RAB3C: variants seen among roughly 807,000 people sequenced by gnomAD.
The protein encoded by RAB3C is ras-related protein Rab-3C.
A neutral mutation model predicts 26.4 loss-of-function variants in RAB3C; 17 were observed. The observed-to-expected ratio is 0.64, with a 90% CI of 0.44 to 0.97. RAB3C has a LOEUF of 0.97. RAB3C is among the 50% of genes least tolerant of loss of function. The probability of loss-of-function intolerance (pLI) is 0.00; values close to 1 mark genes in which losing one functional copy is unlikely to be tolerated. For missense variants in RAB3C, 242 were observed against 281.9 expected, an observed-to-expected ratio of 0.86 and a Z score of 1.01; for synonymous variants, 91 against 95.9, an observed-to-expected ratio of 0.95 and a Z score of 0.30.
intron 1 of RAB3C, among the ~76,000 whole-genome samples, chr5:58,596,833 A>C (rs1407721919): frequency 2.3e-5 from 2 of 87,022 alleles, no homozygotes; most frequent in Non-Finnish European, 4.0e-5. Context: ...ATTATATATA[A>C]ATTTATAATA....
chr5:58,832,381 A>C (rs1237206748), intron 4 of RAB3C, among the ~76,000 whole-genome samples: 1 of 152,220 alleles, frequency 6.6e-6, no homozygotes, highest in African/African-American at 2.4e-5. Context: ...CTAGGAGTTT[A>C]TTTCTTTTGG....
At chr5:58,643,753 C>T (rs993997126) in intron 2 of RAB3C, among the ~76,000 whole-genome samples, 6 of 152,218 alleles carry the variant, frequency 3.9e-5, no homozygotes, top group Admixed American at 2.6e-4. Context: ...TTGCAAAATA[C>T]TAATGAGGAC....
chr5:58,589,516 C>G (rs1183864441), intron 1 of RAB3C, among the ~76,000 whole-genome samples: 2 of 152,136 alleles, frequency 1.3e-5, no homozygotes, highest in Admixed American at 1.3e-4. Flanking sequence ...CTAGAGTTCA[C>G]CATGAAGCCA....
chr5:58,706,303 T>A (rs1748942494), intron 2 of RAB3C, among the ~76,000 whole-genome samples: 1 of 152,158 alleles, frequency 6.6e-6, no homozygotes, highest in Non-Finnish European at 1.5e-5. Context: ...AAGCATTTTT[T>A]TCGGTGGCCA....
At chr5:58,582,908 G>T, upstream of RAB3C, 1 of 546,148 alleles carries the variant, frequency 1.8e-6, no homozygotes, top group Non-Finnish European at 2.9e-6. Context: ...CCGCGGCCGA[G>T]CCCGACTGGC....
chr5:58,798,449 T>C (rs1207076293), intron 3 of RAB3C, among the ~76,000 whole-genome samples: 2 of 152,132 alleles, frequency 1.3e-5, no homozygotes, highest in Non-Finnish European at 2.9e-5. Flanking sequence ...CATCATCATA[T>C]ATACAGGTTG....
intron 3 of RAB3C, among the ~76,000 whole-genome samples, chr5:58,798,008 A>G (rs2112023351): frequency 6.6e-6 from 1 of 152,284 alleles, no homozygotes; most frequent in South Asian, 2.1e-4. Flanking sequence ...CACAAGTCTT[A>G]TGGCAGATAC....
chr5:58,849,328 G>A (rs1207273303), intron 4 of RAB3C, among the ~76,000 whole-genome samples: 3 of 152,038 alleles, frequency 2.0e-5, no homozygotes, highest in Non-Finnish European at 4.4e-5. Context: ...GGTATCTTAT[G>A]ACATAAAGCA....
chr5:58,796,998 GACAC>G (rs58486143), intron 3 of RAB3C, among the ~76,000 whole-genome samples: 1 of 150,530 alleles, frequency 6.6e-6, no homozygotes, highest in African/African-American at 2.5e-5. Flanking sequence ...CACACACACA[GACAC>G]ACACACACAC....
In RAB3C at chr5:58,749,516, T is replaced by C. The variant is rs146016061; in HGVS notation, c.371+23396T>C. Among the ~76,000 whole-genome samples, 369 of 152,294 alleles carry C rather than the reference T, an allele frequency of 2.4e-3. 1 individual carries two copies. Among genetic ancestry groups the C allele is most frequent in the African/African-American group, 8.7e-3 (360 of 41,562 alleles). ...GTCTGTAGGAGCAAGGAGAGAATAT[T>C]GTTGTCTTTACTTGAAGCAGAAGAT... On this transcript the variant is annotated intron_variant, in intron 3 of 4. Transcript: ENST00000282878.
chr5:58,676,149 C>A (rs919592946), intron 2 of RAB3C, among the ~76,000 whole-genome samples: 4 of 152,168 alleles, frequency 2.6e-5, no homozygotes, highest in African/African-American at 9.7e-5. Context: ...CTTATTCAAA[C>A]TCTGTCAAGG....
intron 4 of RAB3C, among the ~76,000 whole-genome samples, chr5:58,850,817 T>G (rs984527253): frequency 6.6e-6 from 1 of 152,190 alleles, no homozygotes; most frequent in Non-Finnish European, 1.5e-5. Context: ...TTCTTACAGA[T>G]AGATTTGGTA....
At chr5:58,747,371 A>G (rs1350944808) in intron 3 of RAB3C, among the ~76,000 whole-genome samples, 2 of 152,182 alleles carry the variant, frequency 1.3e-5, no homozygotes, top group Non-Finnish European at 2.9e-5. Context: ...ATTCAGATGT[A>G]ATACTGAGTG....
chr5:58,725,640 A>G (rs933428307), intron 2 of RAB3C, among the ~76,000 whole-genome samples: 2 of 151,938 alleles, frequency 1.3e-5, no homozygotes, highest in African/African-American at 2.4e-5. Flanking sequence ...CAGTAGGGTG[A>G]CTATAATTTA....
chr5:58,845,135 C>T (rs372728632), intron 4 of RAB3C, among the ~76,000 whole-genome samples: 1 of 152,164 alleles, frequency 6.6e-6, no homozygotes, highest in Non-Finnish European at 1.5e-5. Context: ...ACTCTTCAAG[C>T]GCCAGAGTGA....
At chr5:58,595,528 C>CCA (rs766840574) in intron 1 of RAB3C, among the ~76,000 whole-genome samples, 1 of 152,068 alleles carries the variant, frequency 6.6e-6, no homozygotes, top group Non-Finnish European at 1.5e-5. Context: ...GAGGCCTTGA[C>CCA]CACATATATG....
chr5:58,801,060 G>A (rs1207891053), intron 3 of RAB3C, among the ~76,000 whole-genome samples: 1 of 152,200 alleles, frequency 6.6e-6, no homozygotes, highest in South Asian at 2.1e-4. Flanking sequence ...CGCCCCAAAA[G>A]AGACTTGGAA....
At chr5:58,709,935 G>A (rs994789815) in intron 2 of RAB3C, among the ~76,000 whole-genome samples, 4 of 152,178 alleles carry the variant, frequency 2.6e-5, no homozygotes, top group African/African-American at 7.2e-5. Context: ...TTAGGAGGCC[G>A]TGGGTAACTT....
chr5:58,611,429 G>T (rs192897707), intron 1 of RAB3C, among the ~76,000 whole-genome samples: 5 of 152,152 alleles, frequency 3.3e-5, no homozygotes, highest in African/African-American at 1.2e-4. Context: ...CATTCTGACT[G>T]GTGTGAAATG....
Sources: allele counts gnomAD v4.1 joint callset (sites outside exome capture counted in the v4.1 genomes callset), GRCh38; gene constraint gnomAD v4.1.1; transcripts MANE v1.5; gene names NCBI Gene and HGNC (gene_info 2026-07-23, HGNC 2026-07-21).